Variants in MDGA2 observed in about 807,000 individuals in gnomAD.
MDGA2 encodes MAM domain-containing glycosylphosphatidylinositol anchor protein 2.
A neutral mutation model predicts 117.8 loss-of-function variants in MDGA2; 40 were observed. The observed-to-expected ratio is 0.34, with a 90% CI of 0.26 to 0.44. The LOEUF is 0.44. MDGA2 is among the 20% of genes least tolerant of loss of function. The pLI is 1.00. For missense variants in MDGA2, 1,123 were observed against 1,250.6 expected (o/e 0.90, Z 1.54); for synonymous variants, 452 against 439.0 (o/e 1.03, Z -0.37).
chr14:47,582,406 T>C (rs1202803831), intron 1 of MDGA2, among the ~76,000 whole-genome samples: 1 of 151,956 alleles, frequency 6.6e-6, no homozygotes, highest in African/African-American at 2.4e-5. Flanking sequence ...TGGCTGAATC[T>C]GATATTTACA....
At chr14:46,989,911 C>T (rs1286413091) in intron 8 of MDGA2, among the ~76,000 whole-genome samples, 1 of 152,092 alleles carries the variant, frequency 6.6e-6, no homozygotes, top group African/African-American at 2.4e-5. Flanking sequence ...GTACTAGTAT[C>T]CCAGCATTCA....
intron 16 of MDGA2, among the ~76,000 whole-genome samples, chr14:46,844,657 A>T (rs1880751010): frequency 6.6e-6 from 1 of 152,212 alleles, no homozygotes; most frequent in Admixed American, 6.5e-5. Flanking sequence ...ATCTATGCTG[A>T]CATGGTAAGG....
intron 10 of MDGA2, among the ~76,000 whole-genome samples, chr14:46,883,168 T>G (rs144222525): frequency 1.3e-5 from 2 of 152,108 alleles, no homozygotes; most frequent in South Asian, 2.1e-4. Context: ...GAAAAACTTA[T>G]GTATACAAAC....
chr14:47,163,526 C>T (rs1172239699), intron 3 of MDGA2, among the ~76,000 whole-genome samples: 3 of 151,964 alleles, frequency 2.0e-5, no homozygotes, highest in South Asian at 2.1e-4. Context: ...TTTTGCCTGC[C>T]GCCATCCATG....
intron 1 of MDGA2, among the ~76,000 whole-genome samples, chr14:47,462,838 A>G (rs1476656132): frequency 6.6e-6 from 1 of 152,212 alleles, no homozygotes. Flanking sequence ...TTCTTCATCC[A>G]TCTCTCATAT....
chr14:47,619,211 A>G (rs941706082), intron 1 of MDGA2, among the ~76,000 whole-genome samples: 1 of 151,948 alleles, frequency 6.6e-6, no homozygotes, highest in African/African-American at 2.4e-5. Context: ...CGCACCTAGC[A>G]TTGTGTTAGA....
At chr14:47,490,880 C>A (rs1459056394) in intron 1 of MDGA2, among the ~76,000 whole-genome samples, 1 of 152,012 alleles carries the variant, frequency 6.6e-6, no homozygotes, top group Admixed American at 6.6e-5. Flanking sequence ...GTTGGCTAGG[C>A]CTGGCGTAGG....
intron 6 of MDGA2, among the ~76,000 whole-genome samples, chr14:47,094,210 G>T (rs1879831817): frequency 6.6e-6 from 1 of 151,958 alleles, no homozygotes; most frequent in African/African-American, 2.4e-5. Flanking sequence ...TTATGTGAAT[G>T]CCACTGCTGA....
In MDGA2 at chr14:47,001,595, A is replaced by G. The variant is rs550721807; in HGVS notation, c.1819+33416T>C. ...CTAATAAATGGAGAAATCAAACACT[A>G]TTCAATACAAAAATAAAGTATTCCT... On this transcript the variant is annotated intron_variant, in intron 8 of 16. Transcript: ENST00000399232. Among the ~76,000 whole-genome samples, 63 of 152,290 alleles carry G rather than the reference A, an allele frequency of 4.1e-4. 1 individual carries two copies. Among genetic ancestry groups the G allele is most frequent in the Middle Eastern group, 6.8e-3 (2 of 294 alleles).
chr14:46,948,306 A>G (rs2138602289), intron 9 of MDGA2, among the ~76,000 whole-genome samples: 1 of 152,080 alleles, frequency 6.6e-6, no homozygotes, highest in Admixed American at 6.6e-5. Context: ...TATTCCTGTG[A>G]GATCCCTAAA....
rs984825025 is a variant in MDGA2, at chr14:47,183,254, T to C, written c.595+34767A>G. ...GATCTAATAACTAAGCCCAGCACAG[T>C]TGAACCTCTAAGTATCTCTCCAATT... On this transcript the variant is annotated intron_variant, in intron 3 of 16. Coordinates refer to ENST00000399232, the MANE Select transcript of MDGA2 (RefSeq NM_001113498.3). Among the ~76,000 whole-genome samples the C allele has an allele frequency of 2.6e-5, 4 of 152,112 alleles. No individual in the cohort carries two copies. In the East Asian group the frequency reaches 7.7e-4, roughly 29 times the overall value.
intron 1 of MDGA2, among the ~76,000 whole-genome samples, chr14:47,548,945 T>A (rs1381721242): frequency 6.6e-6 from 1 of 152,212 alleles, no homozygotes; most frequent in East Asian, 1.9e-4. Flanking sequence ...ATTTATTTTT[T>A]TTCAACAAAC....
chr14:46,869,131 C>G (rs982366525), intron 14 of MDGA2, among the ~76,000 whole-genome samples: 1 of 151,890 alleles, frequency 6.6e-6, no homozygotes, highest in Non-Finnish European at 1.5e-5. Context: ...TAATGAACTC[C>G]TTTGCTTTCC....
intron 2 of MDGA2, among the ~76,000 whole-genome samples, chr14:47,238,886 T>C (rs1886951598): frequency 6.6e-6 from 1 of 151,782 alleles, no homozygotes; most frequent in Non-Finnish European, 1.5e-5. Flanking sequence ...TTTATAATAA[T>C]ATTTTTTAAA....
intron 10 of MDGA2, among the ~76,000 whole-genome samples, chr14:46,910,388 CTG>C (rs1883653580): frequency 6.6e-6 from 1 of 152,118 alleles, no homozygotes; most frequent in Admixed American, 6.5e-5. Flanking sequence ...GCATTAATGA[CTG>C]TTTGATTTTT....
At chr14:47,576,361 T>G (rs1896115386) in intron 1 of MDGA2, among the ~76,000 whole-genome samples, 3 of 152,204 alleles carry the variant, frequency 2.0e-5, no homozygotes, top group Admixed American at 2.0e-4. Flanking sequence ...TGGTATGATT[T>G]TAAAAACAAC....
rs1044448574 is a variant in MDGA2, at chr14:47,486,699, C to T, written c.281-185149G>A. On this transcript the variant is annotated intron_variant, in intron 1 of 16. Transcript: ENST00000399232. ...CTTTCCCATGCTGTTCTCATAATAGCGAATGGGCCTCACGAGATCTAATGG... is the reference window on the plus strand; with the variant it reads ...CTTTCCCATGCTGTTCTCATAATAGTGAATGGGCCTCACGAGATCTAATGG... Among the ~76,000 whole-genome samples, 21 of 152,096 alleles carry T rather than the reference C, an allele frequency of 1.4e-4. No individual in the cohort carries two copies. The East Asian group carries it at 3.5e-3, about 25-fold the overall frequency.
chr14:46,988,189 A>C (rs1402000438), intron 8 of MDGA2, among the ~76,000 whole-genome samples: 1 of 151,918 alleles, frequency 6.6e-6, no homozygotes. Flanking sequence ...GTGTCCTCAG[A>C]TTCAAAATGG....
chr14:47,370,190 G>A (rs1891314916), intron 1 of MDGA2, among the ~76,000 whole-genome samples: 1 of 151,542 alleles, frequency 6.6e-6, no homozygotes, highest in South Asian at 2.1e-4. Flanking sequence ...ATATTATTAT[G>A]AGTGATATAA....
Sources: gnomAD v4.1 joint callset for allele counts (sites outside exome capture counted in the v4.1 genomes callset) on GRCh38, gnomAD v4.1.1 for gene constraint, MANE v1.5 for transcripts, NCBI Gene and HGNC (gene_info 2026-07-23, HGNC 2026-07-21) for gene names.